The following MAN1A2 variants were observed in gnomAD, a reference collection of about 807,000 sequenced individuals.
The protein encoded by MAN1A2 is mannosyl-oligosaccharide 1,2-alpha-mannosidase IB.
MAN1A2 carries 26 observed loss-of-function variants against 75.7 expected under a neutral mutation model. The observed-to-expected ratio is 0.34, with a 90% CI of 0.25 to 0.48. MAN1A2 has a LOEUF of 0.48. Among genes scored for constraint, MAN1A2 ranks in the 20% least tolerant of loss-of-function variants. The pLI, the probability that MAN1A2 is intolerant of heterozygous loss-of-function variation, is 0.99. For synonymous variants in MAN1A2, 247 were observed against 264.6 expected (o/e 0.93, Z 0.65); for missense variants, 562 against 775.5 (o/e 0.72, Z 3.27).
intron 1 of MAN1A2, among the ~76,000 whole-genome samples, chr1:117,381,549 T>C (rs1653334678): frequency 6.6e-6 from 1 of 152,116 alleles, no homozygotes; most frequent in Non-Finnish European, 1.5e-5. Context: ...TATTCCATGG[T>C]GTATATGTGC....
chr1:117,401,171 A>G (rs1647412139), intron 1 of MAN1A2, among the ~76,000 whole-genome samples: 1 of 148,062 alleles, frequency 6.8e-6, no homozygotes, highest in Admixed American at 6.7e-5. Context: ...TTCAGTGATC[A>G]TAAGTCTTTA....
chr1:117,404,555 G>A (rs1322761321), intron 2 of MAN1A2, among the ~76,000 whole-genome samples: 3 of 152,120 alleles, frequency 2.0e-5, no homozygotes, highest in Non-Finnish European at 1.5e-5. Flanking sequence ...CTGGCAGAGA[G>A]CCATTATCAG....
At chr1:117,371,459 G>GT (rs1652963469) in intron 1 of MAN1A2, among the ~76,000 whole-genome samples, 1 of 152,194 alleles carries the variant, frequency 6.6e-6, no homozygotes, top group South Asian at 2.1e-4. Flanking sequence ...AGTCTATAGA[G>GT]TTGGGGGTGG....
At chr1:117,387,535 A>G (rs534033813) in intron 1 of MAN1A2, among the ~76,000 whole-genome samples, 1 of 152,228 alleles carries the variant, frequency 6.6e-6, no homozygotes, top group African/African-American at 2.4e-5. Context: ...CCGTATCAGT[A>G]GGTTCACTAA....
chr1:117,436,970 C>T (rs1000329342), intron 5 of MAN1A2, among the ~76,000 whole-genome samples: 16 of 152,104 alleles, frequency 1.1e-4, no homozygotes, highest in African/African-American at 3.9e-4. Flanking sequence ...TTATTATTTG[C>T]AGGTTCATTT....
rs1652055202 is a variant in MAN1A2, at chr1:117,527,226, C to T, written c.*4269C>T. 6.6e-6 allele frequency: 1 copy of T among 151,742 alleles called. No individual in the cohort carries two copies. Among genetic ancestry groups the T allele is most frequent in the African/African-American group, 2.4e-5 (1 of 41,356 alleles). The allele number at this position is 151,742 out of a possible 1,614,324, so 9.4% of individuals were successfully genotyped here. On this transcript the variant is annotated 3_prime_UTR_variant, in exon 13 of 13. Coordinates refer to ENST00000356554, the MANE Select transcript of MAN1A2 (RefSeq NM_006699.5). ...TTAGGCTATGAGAGCTATACAGTCT[C>T]TCTTATTACTCATTTCTGCTGTTGA... is the stretch of plus-strand genomic sequence containing the variant.
intron 9 of MAN1A2, chr1:117,494,322 G>A (rs1350938392): frequency 1.3e-5 from 2 of 152,062 alleles, no homozygotes; most frequent in Non-Finnish European, 1.5e-5. Flanking sequence ...TCAGAAGTGT[G>A]TTAAGTGTGT....
chr1:117,526,449 C>G lies in MAN1A2; in HGVS notation c.*3492C>G, dbSNP rs1652022772. 2.0e-5 allele frequency: 3 copies of G among 151,654 alleles called. No individual in the cohort carries two copies. 9.4% of individuals were successfully genotyped at this position (151,654 alleles called of 1,614,324 possible). A position where few individuals can be genotyped will look rare whatever the true frequency, so the allele number is the denominator to read the frequency against. ...TAAAACAATGTGTTACTGTATAATA[C>G]AACTATAATTGTAGTTAATAACTAA... On this transcript the variant is annotated 3_prime_UTR_variant, in exon 13 of 13. Coordinates refer to ENST00000356554, the MANE Select transcript of MAN1A2 (RefSeq NM_006699.5).
chr1:117,477,263 G>A (rs983261879), intron 8 of MAN1A2, among the ~76,000 whole-genome samples: 2 of 151,834 alleles, frequency 1.3e-5, no homozygotes, highest in Non-Finnish European at 2.9e-5. Flanking sequence ...AGAAAAAGAG[G>A]GAAATCCTCC....
intron 12 of MAN1A2, among the ~76,000 whole-genome samples, chr1:117,514,260 G>A (rs1651639527): frequency 6.6e-6 from 1 of 151,872 alleles, no homozygotes; most frequent in Admixed American, 6.6e-5. Context: ...CTACTTAGGA[G>A]GCTGAGACAG....
intron 5 of MAN1A2, among the ~76,000 whole-genome samples, chr1:117,441,142 G>A (rs934065999): frequency 2.0e-5 from 3 of 152,126 alleles, no homozygotes; most frequent in African/African-American, 7.2e-5. Context: ...ATCTTAATGA[G>A]GGACAGAGTG....
At position 117,499,453 on chromosome 1, in the gene MAN1A2, A is replaced by G. The variant is rs995735852; in HGVS notation, c.1576A>G (p.Lys526Glu). The G allele has an allele frequency of 1.2e-6, 2 of 1,607,322 alleles. No individual in the cohort carries two copies. Among genetic ancestry groups the G allele is most frequent in the African/African-American group, 1.3e-5 (1 of 74,284 alleles). The change falls in exon 11 of 13, where the codon AAG (lysine) becomes GAG (glutamate). Residue 526 changes from lysine (K) to glutamate (E), a missense_variant. Transcript: ENST00000356554. The stretch of plus-strand genomic sequence containing the variant: ...GGCTGTGGCTGTCCGGCAGGCTGAA[A>G]AGTATTATATCCTCCGTCCAGAAGT... ...VEAVAVRQAEKYYILRPEVIE... is the reference protein window; with the variant it reads ...VEAVAVRQAEEYYILRPEVIE...
rs538006802 is a variant in MAN1A2, at chr1:117,416,499, C to G, written c.774+1668C>G. Among the ~76,000 whole-genome samples the G allele has an allele frequency of 1.4e-4, 22 of 152,288 alleles. No homozygotes were observed. The South Asian group carries it at 3.9e-3, about 27-fold the overall frequency. On this transcript the variant is annotated intron_variant, in intron 4 of 12. Transcript: ENST00000356554. Reference sequence around the variant, plus strand: ...TCTGTGCAATACTCCCATTCATTGACAGGACAGCTTTATAATGGCTAATAA... The same window carrying G: ...TCTGTGCAATACTCCCATTCATTGAGAGGACAGCTTTATAATGGCTAATAA...
Position 117,527,302 on chromosome 1 carries a change from T to G in MAN1A2, c.*4345T>G, listed in dbSNP as rs1268138774. 6.6e-6 allele frequency: 1 copy of G among 151,910 alleles called. No individual in the cohort carries two copies. The highest frequency in any genetic ancestry group is 1.5e-5 in the Non-Finnish European group (1 of 67,892). The allele number at this position is 151,910 out of a possible 1,614,324, so 9.4% of individuals were successfully genotyped here. A position where few individuals can be genotyped will look rare whatever the true frequency, so the allele number is the denominator to read the frequency against. On this transcript the variant is annotated 3_prime_UTR_variant, in exon 13 of 13. Transcript: ENST00000356554. ...ATGTAAAGAATGGGCGTAGCTATGT[T>G]CCAGGAAAACTTTATTTACAAAAGC...
intron 1 of MAN1A2, among the ~76,000 whole-genome samples, chr1:117,394,785 A>G (rs1252633878): frequency 6.6e-6 from 1 of 152,238 alleles, no homozygotes; most frequent in Non-Finnish European, 1.5e-5. Flanking sequence ...AAGTGGAAAC[A>G]GCAAGTGTAG....
At chr1:117,380,421 A>G (rs1276823415) in intron 1 of MAN1A2, among the ~76,000 whole-genome samples, 1 of 152,196 alleles carries the variant, frequency 6.6e-6, no homozygotes, top group East Asian at 1.9e-4. Context: ...CATATCCAAG[A>G]ATCAATTGCC....
In MAN1A2 at chr1:117,368,009, T is replaced by C; in HGVS notation, c.-175T>C. 1 of 609,690 alleles carries C rather than the reference T, an allele frequency of 1.6e-6. No individual in the cohort carries two copies. Among genetic ancestry groups the C allele is most frequent in the Non-Finnish European group, 2.9e-6 (1 of 350,156 alleles). 37.8% of individuals were successfully genotyped at this position (609,690 alleles called of 1,614,324 possible). On this transcript the variant is annotated 5_prime_UTR_variant, in exon 1 of 13. Coordinates refer to ENST00000356554, the MANE Select transcript of MAN1A2 (RefSeq NM_006699.5). ...GTTTGGGGGAGGTCACACACGTTTC[T>C]GAGTGGGAATGGATGGGCGTGAATG...
chr1:117,389,704 C>CT (rs903937766), intron 1 of MAN1A2, among the ~76,000 whole-genome samples: 4 of 151,252 alleles, frequency 2.6e-5, no homozygotes, highest in Admixed American at 1.3e-4. Flanking sequence ...AGGTTTATAC[C>CT]TTTTTTTTCT....
chr1:117,387,310 G>A (rs1653567117), intron 1 of MAN1A2, among the ~76,000 whole-genome samples: 1 of 151,966 alleles, frequency 6.6e-6, no homozygotes, highest in Non-Finnish European at 1.5e-5. Flanking sequence ...GTAAAATGGT[G>A]TAGCTGCTGT....
Sources: allele counts gnomAD v4.1 joint callset (sites outside exome capture counted in the v4.1 genomes callset), GRCh38; gene constraint gnomAD v4.1.1; transcripts MANE v1.5; gene names NCBI Gene and HGNC (gene_info 2026-07-23, HGNC 2026-07-21).